C19orf25: variants seen among roughly 807,000 people sequenced by gnomAD.
The protein encoded by C19orf25 is UPF0449 protein C19orf25.
Under a neutral mutation model 3.1 loss-of-function variants are expected in C19orf25, and 1 was observed. The ratio of observed to expected loss-of-function variants is 0.32; its 90% CI spans 0.12 to 1.54. C19orf25 has a LOEUF of 1.54. Ranked by LOEUF, C19orf25 falls within the 40% of genes most tolerant of loss-of-function variation. C19orf25 has a pLI of 0.38. For missense variants in C19orf25, 196 were observed against 160.4 expected (o/e 1.22, Z -1.20); for synonymous variants, 91 against 74.3 (o/e 1.23, Z -1.16).
chr19:1,479,146 C>A lies in C19orf25; in HGVS notation c.-3+17G>T. On this transcript the variant is annotated intron_variant, in intron 1 of 2. Coordinates refer to ENST00000585675, the MANE Select transcript of C19orf25 (RefSeq NM_152482.3). ...TCAGTTTCCCCGCGGTCACCCCAGT[C>A]GCCGGCCTCTTCCCACCTGGGCGCG... The A allele has an allele frequency of 7.7e-7, 1 of 1,293,478 alleles. No homozygotes were observed. Among genetic ancestry groups the A allele is most frequent in the East Asian group, 3.2e-5 (1 of 31,158 alleles). 80.1% of individuals were successfully genotyped at this position (1,293,478 alleles called of 1,614,324 possible).
rs576216518 is a variant in C19orf25, at chr19:1,478,668, G to A, written c.130+106C>T. On this transcript the variant is annotated intron_variant, in intron 2 of 2. Coordinates refer to ENST00000585675, the MANE Select transcript of C19orf25 (RefSeq NM_152482.3). ...AGGATACGGACCGTGCCCATGTTGC[G>A]GGGGTTCCCAGGGCGTGGGGTCAGG... 2.3e-5 allele frequency: 34 copies of A among 1,509,342 alleles called. No homozygotes were observed. In the African/African-American group the frequency reaches 3.4e-4, roughly 15 times the overall value. The allele number at this position is 1,509,342 out of a possible 1,614,324, so 93.5% of individuals were successfully genotyped here.
Position 1,474,324 on chromosome 19 carries a change from G to C in C19orf25, c.*708C>G, listed in dbSNP as rs1291823512. 1 of 153,170 alleles carries C rather than the reference G, an allele frequency of 6.5e-6. No individual in the cohort carries two copies. The highest frequency in any genetic ancestry group is 1.5e-5 in the Non-Finnish European group (1 of 68,752). The allele number at this position is 153,170 out of a possible 1,614,324, so 9.5% of individuals were successfully genotyped here. ...CAGGGCCAGAACCCGCAGGGAAGCA[G>C]GCCCAGGACCTGCTGCAGCTGGCAG... On this transcript the variant is annotated 3_prime_UTR_variant, in exon 3 of 3. Transcript: ENST00000585675.
rs778049476 is a variant in C19orf25 at position 1,478,920 on chromosome 19, G to A, written c.-2-15C>T. On this transcript the variant is annotated splice_polypyrimidine_tract_variant and intron_variant, in intron 1 of 2. Transcript: ENST00000585675. ...GGAGCCCATCTCTGAAGGCGGGGAA[G>A]GGGGCGCTGACCGGGGCGTCCACCT... 8.2e-6 allele frequency: 13 copies of A among 1,581,104 alleles called. No individual in the cohort carries two copies. Among genetic ancestry groups the A allele is most frequent in the South Asian group, 2.3e-5 (2 of 87,770 alleles).
chr19:1,477,158 C>T (rs954460438), intron 2 of C19orf25, among the ~76,000 whole-genome samples: 2 of 152,158 alleles, frequency 1.3e-5, no homozygotes, highest in Non-Finnish European at 2.9e-5. Context: ...CGCCACCATG[C>T]CCAGCTAATG....
rs555102954 is a variant in C19orf25 at position 1,474,755 on chromosome 19, C to G, written c.*277G>C. The stretch of plus-strand genomic sequence containing the variant: ...GCAGAGCACGGCCACTGTGAGCTGA[C>G]GACAGAATCACAGTACAGCAATAAT... On this transcript the variant is annotated 3_prime_UTR_variant, in exon 3 of 3. Coordinates refer to ENST00000585675, the MANE Select transcript of C19orf25 (RefSeq NM_152482.3). 3.0e-5 allele frequency: 42 copies of G among 1,413,892 alleles called. No homozygotes were observed. Among genetic ancestry groups the G allele is most frequent in the South Asian group, 2.6e-4 (17 of 66,078 alleles). The allele number at this position is 1,413,892 out of a possible 1,614,324, so 87.6% of individuals were successfully genotyped here.
At chr19:1,477,259 C>G (rs1250303788) in intron 2 of C19orf25, among the ~76,000 whole-genome samples, 1 of 152,186 alleles carries the variant, frequency 6.6e-6, no homozygotes, top group Non-Finnish European at 1.5e-5. Flanking sequence ...ACCTCAGCCA[C>G]CCAAAGTGCT....
Position 1,479,185 on chromosome 19 carries a change from C to A in C19orf25, c.-25G>T. On this transcript the variant is annotated 5_prime_UTR_variant, in exon 1 of 3. Transcript: ENST00000585675. ...CACCTGGGCGCGGGACCCGAAAGCC[C>A]AGCGTCGACGACGCAGCCACTTCCG... 1 of 1,274,996 alleles carries A rather than the reference C, an allele frequency of 7.8e-7. No individual in the cohort carries two copies. The highest frequency in any genetic ancestry group is 9.9e-7 in the Non-Finnish European group (1 of 1,011,472). 79.0% of individuals were successfully genotyped at this position (1,274,996 alleles called of 1,614,324 possible). A position where few individuals can be genotyped will look rare whatever the true frequency, so the allele number is the denominator to read the frequency against.
Position 1,475,262 on chromosome 19 carries a change from A to G in C19orf25, c.131-4T>C, listed in dbSNP as rs200395124. ...ATCCTGAAGGGAACTGGGGGGTCTG[A>G]GACAGGACACAGCAGCATCACTGCC... is the stretch of plus-strand genomic sequence containing the variant. On this transcript the variant is annotated splice_polypyrimidine_tract_variant and splice_region_variant and intron_variant, in intron 2 of 2. Transcript: ENST00000585675. The G allele has an allele frequency of 2.2e-4, 345 of 1,544,554 alleles. 1 individual carries two copies. In the African/African-American group the frequency reaches 4.0e-3, roughly 18 times the overall value.
rs2084179115 is a variant in C19orf25 at position 1,474,151 on chromosome 19, G to A, written c.*881C>T. The A allele has an allele frequency of 6.6e-6, 1 of 152,290 alleles. No homozygotes were observed. Among genetic ancestry groups the A allele is most frequent in the Non-Finnish European group, 1.5e-5 (1 of 68,116 alleles). The allele number at this position is 152,290 out of a possible 1,614,324, so 9.4% of individuals were successfully genotyped here. A position where few individuals can be genotyped will look rare whatever the true frequency, so the allele number is the denominator to read the frequency against. ...GGGCCCCGGGACGGAGCCGCTCACA[G>A]AGGCACCATTCAGACGGCCAGACAC... On this transcript the variant is annotated 3_prime_UTR_variant, in exon 3 of 3. Coordinates refer to ENST00000585675, the MANE Select transcript of C19orf25 (RefSeq NM_152482.3).
At chr19:1,475,507 C>T in intron 2 of C19orf25, 1 of 483,100 alleles carries the variant, frequency 2.1e-6, no homozygotes, top group Middle Eastern at 3.0e-4. Flanking sequence ...ATAGTGACAC[C>T]CCCATCTCTA....
In C19orf25 at chr19:1,473,584, G is replaced by A. The variant is rs2145282087; in HGVS notation, c.*1448C>T. On this transcript the variant is annotated 3_prime_UTR_variant, in exon 3 of 3. Transcript: ENST00000585675. ...GCACCCATGAGCCACTAGGAGCTGT[G>A]GCTGGTGCAACAGCTGGGATGGGGC... 1 of 152,400 alleles carries A rather than the reference G, an allele frequency of 6.6e-6. No homozygotes were observed. Among genetic ancestry groups the A allele is most frequent in the South Asian group, 2.1e-4 (1 of 4,832 alleles). The allele number at this position is 152,400 out of a possible 1,614,324, so 9.4% of individuals were successfully genotyped here.
Position 1,475,113 on chromosome 19 carries a change from T to G in C19orf25, c.276A>C (p.Arg92=). Residue 92 remains arginine (R), a synonymous_variant, in exon 3 of 3, where the codon CGA becomes CGC. Transcript: ENST00000585675. ...VLRQRCELLQ[R]AGEDLEREVA... ...CCTCCCGCTCCAGGTCCTCGCCGGC[T>G]CGCTGCAGGAGCTCACACCTCTGCC... 1.9e-6 allele frequency: 3 copies of G among 1,604,474 alleles called. No individual in the cohort carries two copies. Among genetic ancestry groups the G allele is most frequent in the Non-Finnish European group, 2.5e-6 (3 of 1,176,572 alleles).
At position 1,474,513 on chromosome 19, in the gene C19orf25, G is replaced by C. The variant is rs1422003035; in HGVS notation, c.*519C>G. On this transcript the variant is annotated 3_prime_UTR_variant, in exon 3 of 3. Coordinates refer to ENST00000585675, the MANE Select transcript of C19orf25 (RefSeq NM_152482.3). ...GTGACCCCAGCGGCCCAGGGTCGTT[G>C]TGAAGATCAACGTGGCTTGTGGGAG... The C allele has an allele frequency of 1.7e-5, 5 of 294,212 alleles. No individual in the cohort carries two copies. The highest frequency in any genetic ancestry group is 1.1e-4 in the African/African-American group (5 of 46,584). The allele number at this position is 294,212 out of a possible 1,614,324, so 18.2% of individuals were successfully genotyped here.
intron 2 of C19orf25, chr19:1,475,510 C>T (rs982468826): frequency 8.2e-5 from 39 of 476,306 alleles, no homozygotes; most frequent in Non-Finnish European, 8.7e-5. Flanking sequence ...GTGACACCCC[C>T]ATCTCTACCA....
At chr19:1,477,696 T>A (rs2084219562) in intron 2 of C19orf25, among the ~76,000 whole-genome samples, 1 of 152,172 alleles carries the variant, frequency 6.6e-6, no homozygotes, top group African/African-American at 2.4e-5. Context: ...CTCTTTCAGG[T>A]GTCAGAAATG....
At chr19:1,478,141 T>C (rs1375376133) in intron 2 of C19orf25, among the ~76,000 whole-genome samples, 2 of 152,058 alleles carry the variant, frequency 1.3e-5, no homozygotes, top group African/African-American at 4.8e-5. Flanking sequence ...CACCGGCCAC[T>C]TATTTATTTT....
At chr19:1,478,429 GTT>G in intron 2 of C19orf25, 4 of 504,706 alleles carry the variant, frequency 7.9e-6, no homozygotes, top group Middle Eastern at 5.5e-4. Context: ...TTTTGTTTTT[GTT>G]TTTGTTTTGT....
At position 1,474,789 on chromosome 19, in the gene C19orf25, C is replaced by A; in HGVS notation, c.*243G>T. ...CACAGTACAGCAATAATGTCCCTATCCTCTTCCAGAACCCCAGTGGGGCCC... is the reference window on the plus strand; with the variant it reads ...CACAGTACAGCAATAATGTCCCTATACTCTTCCAGAACCCCAGTGGGGCCC... On this transcript the variant is annotated 3_prime_UTR_variant, in exon 3 of 3. Coordinates refer to ENST00000585675, the MANE Select transcript of C19orf25 (RefSeq NM_152482.3). 7.0e-7 allele frequency: 1 copy of A among 1,436,728 alleles called. No individual in the cohort carries two copies. The highest frequency in any genetic ancestry group is 9.1e-7 in the Non-Finnish European group (1 of 1,097,036). 89.0% of individuals were successfully genotyped at this position (1,436,728 alleles called of 1,614,324 possible).
chr19:1,478,418 TTTTTGTTTTTGTTTTTG>T, intron 2 of C19orf25: 1 of 247,016 alleles, frequency 4.0e-6, no homozygotes. Context: ...CTCTGTTTTG[TTTTTGTTTTTGTTTTTG>T]TTTTGTTTTT....
Sources: gnomAD v4.1 joint callset for allele counts (sites outside exome capture counted in the v4.1 genomes callset) on GRCh38, gnomAD v4.1.1 for gene constraint, MANE v1.5 for transcripts, NCBI Gene and HGNC (gene_info 2026-07-23, HGNC 2026-07-21) for gene names.